Variants in SPIDR observed in about 807,000 individuals in gnomAD.
SPIDR encodes the protein scaffold protein involved in DNA repair.
A neutral mutation model predicts 104.6 loss-of-function variants in SPIDR; 93 were observed. The observed-to-expected ratio is 0.89, with a 90% confidence interval of 0.75 to 1.06. The LOEUF (loss-of-function observed/expected upper bound fraction) is 1.06, where lower values mean the gene tolerates loss of function less well. Among genes scored for constraint, SPIDR ranks in the 50% least tolerant of loss-of-function variants. The pLI, the probability that SPIDR is intolerant of heterozygous loss-of-function variation, is 0.00. For synonymous variants in SPIDR, 431 were observed against 416.9 expected (o/e 1.03, Z -0.41); for missense variants, 1,154 against 1,111.2 (o/e 1.04, Z -0.55).
intron 11 of SPIDR, chr8:47,697,971 G>A (rs2079595249): frequency 6.6e-6 from 1 of 152,094 alleles, no homozygotes; most frequent in Admixed American, 6.6e-5. Flanking sequence ...CTCCTTGTCT[G>A]CTCCACAAAC....
intron 5 of SPIDR, among the ~76,000 whole-genome samples, chr8:47,326,951 A>G (rs1443932277): frequency 6.6e-6 from 1 of 152,096 alleles, no homozygotes; most frequent in Non-Finnish European, 1.5e-5. Flanking sequence ...GTTCTCTTGG[A>G]TATATATGAA....
intron 5 of SPIDR, among the ~76,000 whole-genome samples, chr8:47,339,986 A>C (rs912703329): frequency 1.3e-5 from 2 of 152,038 alleles, no homozygotes; most frequent in African/African-American, 2.4e-5. Context: ...GACTGTTTAC[A>C]TTCTTCTATT....
chr8:47,600,831 C>G lies in SPIDR; in HGVS notation c.1544+1635C>G, dbSNP rs934977177. 2.6e-5 allele frequency among the ~76,000 whole-genome samples: 4 copies of G among 152,168 alleles called. No individual in the cohort carries two copies. The South Asian group carries it at 8.3e-4, about 32-fold the overall frequency. On this transcript the variant is annotated intron_variant, in intron 10 of 19. Coordinates refer to ENST00000297423, the MANE Select transcript of SPIDR (RefSeq NM_001080394.4). The stretch of plus-strand genomic sequence containing the variant: ...TTGGTAGAGCTTCCTCATCTCAGTA[C>G]ACAGACCACACACTCCAAGGGGACG...
chr8:47,561,041 T>G (rs2057003825), intron 8 of SPIDR, among the ~76,000 whole-genome samples: 1 of 152,220 alleles, frequency 6.6e-6, no homozygotes, highest in East Asian at 1.9e-4. Flanking sequence ...CTTGTGGTAA[T>G]AATAGCATCT....
intron 5 of SPIDR, among the ~76,000 whole-genome samples, chr8:47,361,169 C>G (rs544669301): frequency 1.3e-5 from 2 of 152,222 alleles, no homozygotes; most frequent in East Asian, 3.9e-4. Flanking sequence ...ATGGTAATAC[C>G]TACTTCTAGA....
In SPIDR at chr8:47,503,934, C is replaced by A. The variant is rs1212387390; in HGVS notation, c.1097+63392C>A. On this transcript the variant is annotated intron_variant, in intron 8 of 19. Coordinates refer to ENST00000297423, the MANE Select transcript of SPIDR (RefSeq NM_001080394.4). Reference sequence around the variant, plus strand: ...GATATGAAATTCTGGGTTGAAAATTCTTTTCTTTAAGAATGTTGAATATTG... The same window carrying A: ...GATATGAAATTCTGGGTTGAAAATTATTTTCTTTAAGAATGTTGAATATTG... 2.0e-5 allele frequency among the ~76,000 whole-genome samples: 3 copies of A among 152,144 alleles called. 1 individual carries two copies. In the South Asian group the frequency reaches 6.2e-4, roughly 32 times the overall value.
Position 47,501,023 on chromosome 8 carries a change from C to G in SPIDR, c.1097+60481C>G, listed in dbSNP as rs528777653. 1.8e-4 allele frequency among the ~76,000 whole-genome samples: 28 copies of G among 152,276 alleles called. No individual in the cohort carries two copies. The East Asian group carries it at 5.4e-3, about 29-fold the overall frequency. On this transcript the variant is annotated intron_variant, in intron 8 of 19. Coordinates refer to ENST00000297423, the MANE Select transcript of SPIDR (RefSeq NM_001080394.4). ...CTATATCTCTGTTTTGGTACCAGTA[C>G]CATGCTGTTTTGGTTACTGTGGCCT...
chr8:47,296,089 A>G (rs1159691006), intron 5 of SPIDR, among the ~76,000 whole-genome samples: 1 of 152,162 alleles, frequency 6.6e-6, no homozygotes, highest in African/African-American at 2.4e-5. Context: ...TCTTTTGAGC[A>G]ATGTTTAGGT....
chr8:47,293,554 C>G (rs1161443953), intron 4 of SPIDR, among the ~76,000 whole-genome samples: 1 of 152,164 alleles, frequency 6.6e-6, no homozygotes, highest in Non-Finnish European at 1.5e-5. Context: ...TCAAGCGATT[C>G]TGGTGCCTCA....
chr8:47,505,444 G>T (rs1270280885), intron 8 of SPIDR, among the ~76,000 whole-genome samples: 1 of 152,208 alleles, frequency 6.6e-6, no homozygotes, highest in Non-Finnish European at 1.5e-5. Context: ...CCATGTGCGG[G>T]ATATAATCTC....
chr8:47,598,957 T>C lies in SPIDR; in HGVS notation c.1305T>C (p.Ser435=). 4 of 1,613,842 alleles carry C rather than the reference T, an allele frequency of 2.5e-6. No homozygotes were observed. Among genetic ancestry groups the C allele is most frequent in the Non-Finnish European group, 3.4e-6 (4 of 1,179,948 alleles). The change falls in exon 10 of 20, where the codon AGT becomes AGC. Residue 435 remains serine (S), a synonymous_variant. Coordinates refer to ENST00000297423, the MANE Select transcript of SPIDR (RefSeq NM_001080394.4). ...TGTGTCTTGGCCAGGTTGTGTGTAG[T>C]GGTGTAGCCACTACAGGGACAGCCT... ...NNSPEIQVVC[S]GVATTGTAWT...
chr8:47,734,440 A>C (rs1378767111), intron 19 of SPIDR, among the ~76,000 whole-genome samples: 1 of 152,180 alleles, frequency 6.6e-6, no homozygotes, highest in African/African-American at 2.4e-5. Flanking sequence ...TGGCTTCTCC[A>C]GCCTCAGTCT....
chr8:47,606,022 A>G (rs948897359), intron 10 of SPIDR, among the ~76,000 whole-genome samples: 7 of 152,146 alleles, frequency 4.6e-5, no homozygotes, highest in African/African-American at 1.4e-4. Context: ...ACTCCCATCA[A>G]CAAGGAGTTG....
At chr8:47,325,834 T>G (rs1177735643) in intron 5 of SPIDR, among the ~76,000 whole-genome samples, 1 of 152,154 alleles carries the variant, frequency 6.6e-6, no homozygotes, top group East Asian at 1.9e-4. Flanking sequence ...CTGCAATGAC[T>G]AGGTTGTTGA....
At chr8:47,597,442 T>TAC (rs2061748571) in intron 9 of SPIDR, among the ~76,000 whole-genome samples, 4 of 152,312 alleles carry the variant, frequency 2.6e-5, no homozygotes, top group Admixed American at 2.0e-4. Context: ...TACTTTTGTT[T>TAC]ACACCAGCAT....
At chr8:47,334,818 C>A (rs782797184) in intron 5 of SPIDR, among the ~76,000 whole-genome samples, 1 of 151,872 alleles carries the variant, frequency 6.6e-6, no homozygotes, top group Admixed American at 6.6e-5. Flanking sequence ...TGTTCTTGTC[C>A]TTTGTTCTTA....
chr8:47,325,343 A>T (rs1183644169), intron 5 of SPIDR, among the ~76,000 whole-genome samples: 4 of 152,162 alleles, frequency 2.6e-5, no homozygotes, highest in Admixed American at 2.0e-4. Context: ...AGAGCAACAT[A>T]AGGAAATTGA....
intron 10 of SPIDR, among the ~76,000 whole-genome samples, chr8:47,613,139 G>A (rs1032530236): frequency 4.6e-5 from 7 of 152,096 alleles, no homozygotes; most frequent in Non-Finnish European, 1.0e-4. Flanking sequence ...TACATATTAA[G>A]CAGTCCCTCC....
chr8:47,438,941 AC>A (rs1354187100), intron 7 of SPIDR, among the ~76,000 whole-genome samples: 1 of 152,240 alleles, frequency 6.6e-6, no homozygotes, highest in Non-Finnish European at 1.5e-5. Context: ...ATTAATTTTT[AC>A]TATTCACTAT....
Sources: gnomAD v4.1 joint callset for allele counts (sites outside exome capture counted in the v4.1 genomes callset) on GRCh38, gnomAD v4.1.1 for gene constraint, MANE v1.5 for transcripts, NCBI Gene and HGNC (gene_info 2026-07-23, HGNC 2026-07-21) for gene names.